BID: variants seen among roughly 807,000 people sequenced by gnomAD.
BID encodes BH3 interacting domain death agonist, also known as BH3-interacting domain death agonist.
Under a neutral mutation model 17.4 loss-of-function variants are expected in BID, and 19 were observed. That is an observed-to-expected ratio of 1.09 (90% CI 0.76 to 1.60). The LOEUF (loss-of-function observed/expected upper bound fraction) is 1.60, where lower values mean the gene tolerates loss of function less well. Among genes scored for constraint, BID ranks in the 40% most tolerant of loss-of-function variants. BID has a pLI of 0.00. For missense variants in BID, 226 were observed against 256.0 expected (o/e 0.88, Z 0.80); for synonymous variants, 108 against 102.8 (o/e 1.05, Z -0.31).
chr22:17,738,319 T>A lies in BID; in HGVS notation c.364-90A>T, dbSNP rs1211872654. 5 of 1,238,418 alleles carry A rather than the reference T, an allele frequency of 4.0e-6. No individual in the cohort carries two copies. The East Asian group carries it at 9.7e-5, about 24-fold the overall frequency. 76.7% of individuals were successfully genotyped at this position (1,238,418 alleles called of 1,614,324 possible). ...CCCAGTATGAAGAAGCACTTCAAAG[T>A]ACTTATTAAGTATCCAGGGCTGCTG... On this transcript the variant is annotated intron_variant, in intron 4 of 5. Coordinates refer to ENST00000622694, the MANE Select transcript of BID (RefSeq NM_001196.4).
At chr22:17,767,404 C>A (rs995967313) in intron 1 of BID, among the ~76,000 whole-genome samples, 1 of 152,162 alleles carries the variant, frequency 6.6e-6, no homozygotes, top group Non-Finnish European at 1.5e-5. Context: ...TTTCCACATT[C>A]ACTTAGTGAG....
chr22:17,759,685 C>T (rs1363756116), intron 1 of BID, among the ~76,000 whole-genome samples: 1 of 151,938 alleles, frequency 6.6e-6, no homozygotes, highest in African/African-American at 2.4e-5. Context: ...TAGTGAGGCC[C>T]CAACTCTAAA....
At position 17,750,100 on chromosome 22, in the gene BID, C is replaced by T; in HGVS notation, c.12+5G>A. 1 of 1,612,782 alleles carries T rather than the reference C, an allele frequency of 6.2e-7. No individual in the cohort carries two copies. The highest frequency in any genetic ancestry group is 8.5e-7 in the Non-Finnish European group (1 of 1,179,788). On this transcript the variant is annotated splice_donor_5th_base_variant and intron_variant, in intron 2 of 5. Coordinates refer to ENST00000622694, the MANE Select transcript of BID (RefSeq NM_001196.4). ...AAGGCACCCGCAGGGGATCTGGCCT[C>T]TGACCTCACAGTCCATGGCCTGGGC...
intron 1 of BID, among the ~76,000 whole-genome samples, chr22:17,758,874 ATGCTTAAAAT>A (rs2061612944): frequency 6.6e-6 from 1 of 151,912 alleles, no homozygotes; most frequent in South Asian, 2.1e-4. Context: ...ACGCTTAAAA[ATGCTTAAAAT>A]GGGAAATCTT....
At chr22:17,749,659 C>T (rs978123844) in intron 2 of BID, among the ~76,000 whole-genome samples, 1 of 152,134 alleles carries the variant, frequency 6.6e-6, no homozygotes, top group Admixed American at 6.6e-5. Context: ...TATCTAATGC[C>T]CCCTTTCTTC....
chr22:17,752,760 G>T (rs2061549013), intron 1 of BID, among the ~76,000 whole-genome samples: 2 of 152,052 alleles, frequency 1.3e-5, no homozygotes, highest in South Asian at 4.1e-4. Flanking sequence ...CCACTTCCCG[G>T]GTTCCAGGGA....
At chr22:17,751,114 T>C (rs1349360112) in intron 1 of BID, among the ~76,000 whole-genome samples, 3 of 151,894 alleles carry the variant, frequency 2.0e-5, no homozygotes, top group African/African-American at 7.3e-5. Flanking sequence ...GGCTCACGCC[T>C]GTAATCCCAG....
chr22:17,766,636 C>CT (rs2061680970), intron 1 of BID, among the ~76,000 whole-genome samples: 1 of 151,812 alleles, frequency 6.6e-6, no homozygotes, highest in Non-Finnish European at 1.5e-5. Context: ...GTTGCCCAGG[C>CT]TGGAGTGCAA....
chr22:17,751,803 C>G (rs1285560409), intron 1 of BID, among the ~76,000 whole-genome samples: 1 of 152,206 alleles, frequency 6.6e-6, no homozygotes, highest in East Asian at 1.9e-4. Context: ...GAGCAAATGA[C>G]TGAGCTGCAT....
intron 1 of BID, among the ~76,000 whole-genome samples, chr22:17,756,432 C>CTTCTTTCTTTCTTTCTTTCTTTCT (rs1555906073): frequency 1.4e-5 from 1 of 69,232 alleles, no homozygotes; most frequent in Non-Finnish European, 3.1e-5. Flanking sequence ...TTCTTTCTTT[C>CTTCTTTCTTTCTTTCTTTCTTTCT]TTCTTTCTTT....
rs1463774134 is a variant in BID at position 17,750,738 on chromosome 22, G to A, written c.-58-564C>T. On this transcript the variant is annotated intron_variant, in intron 1 of 5. Coordinates refer to ENST00000622694, the MANE Select transcript of BID (RefSeq NM_001196.4). Reference sequence around the variant, plus strand: ...AGCTACTCGGGAGGCTGAGGCAGGAGAATGGCATGAACTTGGGAGGGAGAG... The same window carrying A: ...AGCTACTCGGGAGGCTGAGGCAGGAAAATGGCATGAACTTGGGAGGGAGAG... Among the ~76,000 whole-genome samples, 5 of 152,252 alleles carry A rather than the reference G, an allele frequency of 3.3e-5. No individual in the cohort carries two copies. The East Asian group carries it at 7.8e-4, about 24-fold the overall frequency.
intron 1 of BID, among the ~76,000 whole-genome samples, chr22:17,766,691 G>A (rs984814113): frequency 2.6e-5 from 4 of 151,962 alleles, no homozygotes; most frequent in East Asian, 3.9e-4. Context: ...CTGGGTTCAC[G>A]CCATTCTCCT....
chr22:17,771,081 A>G (rs1291346379), intron 1 of BID, among the ~76,000 whole-genome samples: 1 of 152,204 alleles, frequency 6.6e-6, no homozygotes, highest in Admixed American at 6.5e-5. Context: ...GGTCTGGTCT[A>G]TGATCCAGAT....
At chr22:17,735,755 A>G (rs2061414612) in intron 5 of BID, among the ~76,000 whole-genome samples, 164 bp from the exon 6 acceptor site, 1 of 152,208 alleles carries the variant, frequency 6.6e-6, no homozygotes, top group East Asian at 1.9e-4. Context: ...ACATGGGGGC[A>G]ACTGCAAAAA....
chr22:17,756,355 A>G (rs1311875658), intron 1 of BID, among the ~76,000 whole-genome samples: 1 of 152,120 alleles, frequency 6.6e-6, no homozygotes, highest in Non-Finnish European at 1.5e-5. Context: ...GTCGTTTTCC[A>G]CTGGGCAAAG....
chr22:17,764,697 ATACCACAAAGGGGTACAGT>A (rs1311286857), intron 1 of BID, among the ~76,000 whole-genome samples: 1 of 152,192 alleles, frequency 6.6e-6, no homozygotes, highest in Non-Finnish European at 1.5e-5. Context: ...CCGGGTACAG[ATACCACAAAGGGGTACAGT>A]GACCCAGCTG....
chr22:17,757,570 G>A (rs577311116), intron 1 of BID, among the ~76,000 whole-genome samples: 46 of 151,614 alleles, frequency 3.0e-4, no homozygotes, highest in Admixed American at 9.9e-4. Flanking sequence ...TTAGCCGGGC[G>A]TGGTGGCGGG....
chr22:17,748,194 G>GACT (rs2061508447), intron 2 of BID, among the ~76,000 whole-genome samples: 1 of 146,992 alleles, frequency 6.8e-6, no homozygotes, highest in East Asian at 2.1e-4. Flanking sequence ...GGGCGACAGA[G>GACT]CAAAACTGCG....
At chr22:17,764,440 T>C (rs936497915) in intron 1 of BID, among the ~76,000 whole-genome samples, 77 of 152,284 alleles carry the variant, frequency 5.1e-4, no homozygotes, top group African/African-American at 1.7e-3. Context: ...CCTGGGCAAG[T>C]AGAAATAGTG....
Sources: allele counts gnomAD v4.1 joint callset (sites outside exome capture counted in the v4.1 genomes callset), GRCh38; gene constraint gnomAD v4.1.1; transcripts MANE v1.5; gene names NCBI Gene and HGNC (gene_info 2026-07-23, HGNC 2026-07-21).